SEMA5A: variants seen among roughly 807,000 people sequenced by gnomAD.
SEMA5A encodes semaphorin 5A, also known as semaphorin-5A.
A neutral mutation model predicts 135.5 loss-of-function variants in SEMA5A; 55 were observed. That is an observed-to-expected ratio of 0.41 (90% CI 0.33 to 0.51). The LOEUF (loss-of-function observed/expected upper bound fraction) is 0.51. Among genes scored for constraint, SEMA5A ranks in the 20% least tolerant of loss-of-function variants. The pLI is 0.37. For synonymous variants in SEMA5A, 580 were observed against 546.5 expected (o/e 1.06, Z -0.85); for missense variants, 1,290 against 1,419.9 (o/e 0.91, Z 1.47).
At chr5:9,492,972 A>C (rs1175941192) in intron 1 of SEMA5A, among the ~76,000 whole-genome samples, 1 of 152,146 alleles carries the variant, frequency 6.6e-6, no homozygotes, top group Non-Finnish European at 1.5e-5. Context: ...AAATCTGTAG[A>C]ATATACAACA....
intron 1 of SEMA5A, among the ~76,000 whole-genome samples, chr5:9,443,240 T>TG (rs1365707925): frequency 6.6e-6 from 1 of 152,188 alleles, no homozygotes; most frequent in Non-Finnish European, 1.5e-5. Context: ...TCTCTGTGGC[T>TG]GGGGGTCCTT....
chr5:9,388,650 T>A (rs751425009), intron 2 of SEMA5A, among the ~76,000 whole-genome samples: 12 of 152,102 alleles, frequency 7.9e-5, no homozygotes, highest in South Asian at 2.1e-4. Flanking sequence ...CTGTAATCCC[T>A]GCACTTTGGG....
intron 1 of SEMA5A, among the ~76,000 whole-genome samples, chr5:9,496,684 G>C (rs1735320374): frequency 6.6e-6 from 1 of 152,130 alleles, no homozygotes; most frequent in African/African-American, 2.4e-5. Context: ...TATAAACTCT[G>C]TCTGCTCGGT....
intron 12 of SEMA5A, among the ~76,000 whole-genome samples, chr5:9,147,962 G>A (rs1312948761): frequency 6.6e-6 from 1 of 152,130 alleles, no homozygotes; most frequent in Non-Finnish European, 1.5e-5. Context: ...GGGCTTCATT[G>A]AACTCAGAAG....
At chr5:9,249,232 A>G (rs1748645244) in intron 5 of SEMA5A, among the ~76,000 whole-genome samples, 1 of 152,198 alleles carries the variant, frequency 6.6e-6, no homozygotes, top group Non-Finnish European at 1.5e-5. Flanking sequence ...AGGTAAGCTT[A>G]CATCTATAAA....
chr5:9,224,588 A>T, intron 8 of SEMA5A, 86 bp downstream of exon 8: 1 of 1,136,624 alleles, frequency 8.8e-7, no homozygotes, highest in Non-Finnish European at 1.3e-6. Context: ...ATTTTTATTT[A>T]GAGTGTTGTA....
chr5:9,544,523 C>T (rs986381903), intron 1 of SEMA5A, among the ~76,000 whole-genome samples: 1 of 152,030 alleles, frequency 6.6e-6, no homozygotes, highest in African/African-American at 2.4e-5. Flanking sequence ...ACCCCCGGCC[C>T]CCAAAATGAA....
intron 2 of SEMA5A, among the ~76,000 whole-genome samples, chr5:9,398,033 A>G (rs1756479419): frequency 6.6e-6 from 1 of 152,204 alleles, no homozygotes; most frequent in Admixed American, 6.5e-5. Context: ...TATCATCTTC[A>G]GAGAAAAATA....
intron 2 of SEMA5A, among the ~76,000 whole-genome samples, chr5:9,435,351 C>T (rs368332909): frequency 6.6e-6 from 1 of 152,186 alleles, no homozygotes; most frequent in South Asian, 2.1e-4. Context: ...GTTATATATA[C>T]CAGCTTAACA....
chr5:9,075,479 A>C (rs2150090321), intron 16 of SEMA5A, among the ~76,000 whole-genome samples: 1 of 152,330 alleles, frequency 6.6e-6, no homozygotes, highest in African/African-American at 2.4e-5. Context: ...AATATTAATC[A>C]GCAATTAAAA....
chr5:9,144,493 A>G (rs1485787351), intron 12 of SEMA5A, among the ~76,000 whole-genome samples: 3 of 152,170 alleles, frequency 2.0e-5, no homozygotes, highest in Non-Finnish European at 4.4e-5. Flanking sequence ...TCTGTGTAGT[A>G]CAGCCCACCC....
chr5:9,247,961 C>G (rs925996801), intron 5 of SEMA5A, among the ~76,000 whole-genome samples: 1 of 152,118 alleles, frequency 6.6e-6, no homozygotes, highest in Non-Finnish European at 1.5e-5. Flanking sequence ...ATTGAACACT[C>G]TCATAACTTA....
At chr5:9,210,747 C>T (rs1372299165) in intron 8 of SEMA5A, among the ~76,000 whole-genome samples, 1 of 152,132 alleles carries the variant, frequency 6.6e-6, no homozygotes, top group Non-Finnish European at 1.5e-5. Context: ...CCATAGTGCT[C>T]ATCTGTAGAA....
intron 7 of SEMA5A, among the ~76,000 whole-genome samples, chr5:9,225,160 A>G (rs1747224017): frequency 6.6e-6 from 1 of 152,112 alleles, no homozygotes; most frequent in South Asian, 2.1e-4. Flanking sequence ...AGATCATTGT[A>G]TATATGCCTT....
At chr5:9,301,050 G>C (rs573821873) in intron 5 of SEMA5A, among the ~76,000 whole-genome samples, 1 of 152,282 alleles carries the variant, frequency 6.6e-6, no homozygotes, top group South Asian at 2.1e-4. Context: ...CAGATAATAT[G>C]TTCAGACAAC....
Position 9,513,359 on chromosome 5 carries a change from T to C in SEMA5A, c.-175+32225A>G, listed in dbSNP as rs547945654. On this transcript the variant is annotated intron_variant, in intron 1 of 22. Coordinates refer to ENST00000382496, the MANE Select transcript of SEMA5A (RefSeq NM_003966.3). ...CCAAAAAGGCATCAAATCCTCTAGA[T>C]TCCATCAAATTTCTTTAAAAGGAAA... Among the ~76,000 whole-genome samples the C allele has an allele frequency of 2.6e-5, 4 of 152,252 alleles. No homozygotes were observed. In the South Asian group the frequency reaches 8.3e-4, roughly 32 times the overall value.
At chr5:9,165,482 G>C (rs578001708) in intron 11 of SEMA5A, among the ~76,000 whole-genome samples, 8 of 152,154 alleles carry the variant, frequency 5.3e-5, no homozygotes, top group Non-Finnish European at 7.4e-5. Flanking sequence ...ATCCAATAGA[G>C]AAATTAAACG....
intron 10 of SEMA5A, among the ~76,000 whole-genome samples, chr5:9,193,876 A>C (rs184294667): frequency 7.9e-5 from 12 of 152,304 alleles, no homozygotes; most frequent in African/African-American, 2.9e-4. Flanking sequence ...CAGCCTGGGC[A>C]ACAGAGCAAG....
At chr5:9,199,660 A>T (rs1745599555) in intron 9 of SEMA5A, among the ~76,000 whole-genome samples, 1 of 152,192 alleles carries the variant, frequency 6.6e-6, no homozygotes, top group Non-Finnish European at 1.5e-5. Flanking sequence ...GCAATAAAAA[A>T]ATCCTACCCC....
Sources: gnomAD v4.1 joint callset for allele counts (sites outside exome capture counted in the v4.1 genomes callset) on GRCh38, gnomAD v4.1.1 for gene constraint, MANE v1.5 for transcripts, NCBI Gene and HGNC (gene_info 2026-07-23, HGNC 2026-07-21) for gene names.